The following PPP2R2C variants were observed in gnomAD, a reference collection of about 807,000 sequenced individuals.
PPP2R2C encodes protein phosphatase 2, regulatory subunit B, gamma.
PPP2R2C carries 10 observed loss-of-function variants against 45.3 expected under a neutral mutation model. That is an observed-to-expected ratio of 0.22 (90% confidence interval 0.14 to 0.37). The LOEUF (loss-of-function observed/expected upper bound fraction) is 0.37. Ranked by LOEUF, PPP2R2C falls within the 10% of genes least tolerant of loss-of-function variation. PPP2R2C has a pLI of 1.00. For synonymous variants in PPP2R2C, 257 were observed against 245.4 expected, an observed-to-expected ratio of 1.05 and a Z score of -0.44; for missense variants, 308 against 619.7, an observed-to-expected ratio of 0.50 and a Z score of 5.34.
chr4:6,321,769 C>G lies in PPP2R2C; in HGVS notation c.*1533G>C. On this transcript the variant is annotated 3_prime_UTR_variant, in exon 9 of 9. Transcript: ENST00000382599. ...TGCAAGTCCATGAGCAAAGACGACT[C>G]AGAGGGGTGGGCAGGTTTGGTATCA... The G allele has an allele frequency of 6.6e-6, 1 of 152,134 alleles. No individual in the cohort carries two copies. 9.4% of individuals were successfully genotyped at this position (152,134 alleles called of 1,614,324 possible). A position where few individuals can be genotyped will look rare whatever the true frequency, so the allele number is the denominator to read the frequency against.
rs551565743 is a variant in PPP2R2C at position 6,550,447 on chromosome 4, A to G, written c.-59+13113T>C. On this transcript the variant is annotated intron_variant, in intron 1 of 9. Coordinates refer to the PPP2R2C transcript ENST00000506140. Reference sequence around the variant, plus strand: ...GCACAGAACTTCACCCTTCACTAACAAGCCATGCACTCCTACAACGCCAAC... The same window carrying G: ...GCACAGAACTTCACCCTTCACTAACGAGCCATGCACTCCTACAACGCCAAC... Among the ~76,000 whole-genome samples, 10 of 152,134 alleles carry G rather than the reference A, an allele frequency of 6.6e-5. No homozygotes were observed. The South Asian group carries it at 1.7e-3, about 25-fold the overall frequency.
intron 6 of PPP2R2C, among the ~76,000 whole-genome samples, chr4:6,342,980 A>C (rs1733569997): frequency 6.6e-6 from 1 of 152,210 alleles, no homozygotes. Flanking sequence ...TGCTGTGAGC[A>C]CATCTCTGGG....
At chr4:6,422,346 C>T (rs562523765) in intron 1 of PPP2R2C, among the ~76,000 whole-genome samples, 5 of 152,300 alleles carry the variant, frequency 3.3e-5, no homozygotes, top group South Asian at 4.1e-4. Flanking sequence ...TGCCAACGCC[C>T]GCCAGCAAGC....
At position 6,329,112 on chromosome 4, in the gene PPP2R2C, C is replaced by T; in HGVS notation, c.1052+150G>A. The T allele has an allele frequency of 1.5e-6, 1 of 682,584 alleles. No individual in the cohort carries two copies. Among genetic ancestry groups the T allele is most frequent in the Non-Finnish European group, 2.6e-6 (1 of 389,904 alleles). The allele number at this position is 682,584 out of a possible 1,614,324, so 42.3% of individuals were successfully genotyped here. ...ATCTGAGCGCTGAGAGTTGGACCTG[C>T]TCTGGAAAGCGTGGGCTTCACCCAG... On this transcript the variant is annotated intron_variant, in intron 8 of 8. Coordinates refer to ENST00000382599, the MANE Select transcript of PPP2R2C (RefSeq NM_020416.4). This position sits in a 1 kb window ranked among gnomAD's most constrained non-coding sequence, Gnocchi z 5.8.
chr4:6,529,897 G>A (rs922584352), intron 2 of PPP2R2C, among the ~76,000 whole-genome samples: 2 of 152,194 alleles, frequency 1.3e-5, no homozygotes, highest in African/African-American at 4.8e-5. Context: ...CCAGGAGACT[G>A]GGAGGGGACA....
At position 6,427,320 on chromosome 4, in the gene PPP2R2C, A is replaced by C. The variant is rs149056952; in HGVS notation, c.70+44840T>G. 5.0e-4 allele frequency among the ~76,000 whole-genome samples: 76 copies of C among 152,356 alleles called. 1 individual carries two copies. In the East Asian group the frequency reaches 0.015, roughly 29 times the overall value. On this transcript the variant is annotated intron_variant, in intron 1 of 8. Coordinates refer to ENST00000382599, the MANE Select transcript of PPP2R2C (RefSeq NM_020416.4). ...CTCAATGCTCAAACGAGGACGTGGGAAATCCTGGCAGGACAGTGCCTTCCA... is the reference window on the plus strand; with the variant it reads ...CTCAATGCTCAAACGAGGACGTGGGCAATCCTGGCAGGACAGTGCCTTCCA...
rs117106011 is a variant in PPP2R2C at position 6,480,917 on chromosome 4, A to T, written c.49+54354T>A. 1.4e-3 allele frequency among the ~76,000 whole-genome samples: 212 copies of T among 152,300 alleles called. 5 individuals carry two copies. In the East Asian group the frequency reaches 0.037, roughly 26 times the overall value. ...ATTTCCTGATTCCTAGTGTTTGGGA[A>T]TCTTTCCACTTGGCCATTTGAATTT... On this transcript the variant is annotated intron_variant, in intron 2 of 9. Transcript: ENST00000506140.
chr4:6,500,313 G>C (rs899181465), intron 2 of PPP2R2C, among the ~76,000 whole-genome samples: 9 of 152,060 alleles, frequency 5.9e-5, no homozygotes, highest in African/African-American at 2.2e-4. Flanking sequence ...ATACCCAGAT[G>C]ATCTTTGTAT....
Position 6,332,077 on chromosome 4 carries a change from G to A in PPP2R2C, c.960+1485C>T, listed in dbSNP as rs2109170553. Among the ~76,000 whole-genome samples, 1 of 152,300 alleles carries A rather than the reference G, an allele frequency of 6.6e-6. No individual in the cohort carries two copies. Among genetic ancestry groups the A allele is most frequent in the South Asian group, 2.1e-4 (1 of 4,828 alleles). On this transcript the variant is annotated intron_variant, in intron 7 of 8. Coordinates refer to ENST00000382599, the MANE Select transcript of PPP2R2C (RefSeq NM_020416.4). The surrounding 1 kb of genome is among the most constrained non-coding windows in gnomAD (Gnocchi z 4.9). ...CGTGGGGTCCTTCATGAGAATTTCA[G>A]AAAGCTGTGTCCCCCTCCCCCTGAA...
chr4:6,432,318 C>T (rs1010095455), intron 1 of PPP2R2C, among the ~76,000 whole-genome samples: 2 of 152,234 alleles, frequency 1.3e-5, no homozygotes, highest in Non-Finnish European at 2.9e-5. Context: ...GCTCTGCCTT[C>T]TGGGGCTCAC....
At chr4:6,558,635 G>A (rs544610062) in intron 1 of PPP2R2C, among the ~76,000 whole-genome samples, 182 of 152,310 alleles carry the variant, frequency 1.2e-3, no homozygotes, top group South Asian at 3.5e-3. Flanking sequence ...TGGCAGCCAG[G>A]AACTACACAA....
intron 6 of PPP2R2C, among the ~76,000 whole-genome samples, chr4:6,343,391 T>C (rs1274225224): frequency 6.6e-6 from 1 of 152,224 alleles, no homozygotes; most frequent in Non-Finnish European, 1.5e-5. Context: ...TAGAAAAATT[T>C]TAAATAAAAT....
chr4:6,365,233 G>C (rs1378372808), intron 5 of PPP2R2C, among the ~76,000 whole-genome samples: 2 of 152,212 alleles, frequency 1.3e-5, no homozygotes, highest in Admixed American at 1.3e-4. Flanking sequence ...ACCGTGGGCA[G>C]GTAGTGGCAG....
rs151180225 is a variant in PPP2R2C, at chr4:6,503,452, A to G, written c.49+31819T>C. Among the ~76,000 whole-genome samples, 1,008 of 152,206 alleles carry G rather than the reference A, an allele frequency of 6.6e-3. 7 individuals are homozygous for G. The highest frequency in any genetic ancestry group is 0.023 in the African/African-American group (950 of 41,498). On this transcript the variant is annotated intron_variant, in intron 2 of 9. Transcript: ENST00000506140. ...TTTCTTGGCCTTCTTTTTCTCCCTGACACTCAGCATCTGCTAGCATAGTAT... is the reference window on the plus strand; with the variant it reads ...TTTCTTGGCCTTCTTTTTCTCCCTGGCACTCAGCATCTGCTAGCATAGTAT...
Position 6,323,583 on chromosome 4 carries a change from T to A in PPP2R2C, c.1063A>T (p.Thr355Ser). 1 of 1,557,622 alleles carries A rather than the reference T, an allele frequency of 6.4e-7. No homozygotes were observed. The highest frequency in any genetic ancestry group is 8.7e-7 in the Non-Finnish European group (1 of 1,144,190). Residue 355 changes from threonine to serine, a missense_variant, in exon 9 of 9, where the codon ACC becomes TCC. Transcript: ENST00000382599. Reference protein sequence around the residue: ...AWNGSDSVIMTGAYNNFFRMF... With the variant: ...AWNGSDSVIMSGAYNNFFRMF... ...CGGAAGAAGTTGTTGTAGGCCCCGG[T>A]CATGATGACGCTGGTGGGAGAAGGA...
rs1329645541 is a variant in PPP2R2C at position 6,472,266 on chromosome 4, G to A, written c.-37C>T. 3.7e-6 allele frequency: 6 copies of A among 1,611,010 alleles called. No homozygotes were observed. The African/African-American group carries it at 5.3e-5, about 14-fold the overall frequency. ...CCCGGTGCTCTGGGCATGCCCCGCCGCCACACACCGATGCAATCCGCAGAG... is the reference window on the plus strand; with the variant it reads ...CCCGGTGCTCTGGGCATGCCCCGCCACCACACACCGATGCAATCCGCAGAG... On this transcript the variant is annotated 5_prime_UTR_variant, in exon 1 of 9. Coordinates refer to ENST00000382599, the MANE Select transcript of PPP2R2C (RefSeq NM_020416.4).
intron 2 of PPP2R2C, among the ~76,000 whole-genome samples, chr4:6,520,377 G>T (rs1385914051): frequency 6.9e-6 from 1 of 143,934 alleles, no homozygotes; most frequent in African/African-American, 2.7e-5. Context: ...TCCCCGAGCA[G>T]CTCACTGTCC....
chr4:6,544,222 C>T (rs915807591), intron 1 of PPP2R2C, among the ~76,000 whole-genome samples: 17 of 152,202 alleles, frequency 1.1e-4, no homozygotes, highest in Admixed American at 1.1e-3. Flanking sequence ...GATGGCAGAC[C>T]CCTTGCCTTT....
chr4:6,484,760 A>G (rs914240246), intron 2 of PPP2R2C, among the ~76,000 whole-genome samples: 1 of 151,826 alleles, frequency 6.6e-6, no homozygotes, highest in Non-Finnish European at 1.5e-5. Context: ...TTAAGCTTCT[A>G]TTCTGATTGA....
Sources: allele counts gnomAD v4.1 joint callset (sites outside exome capture counted in the v4.1 genomes callset), GRCh38; gene constraint gnomAD v4.1.1; non-coding constraint Gnocchi (gnomAD v3.1); transcripts MANE v1.5; gene names NCBI Gene and HGNC (gene_info 2026-07-23, HGNC 2026-07-21).